Variants in POLDIP2 observed in about 807,000 individuals in gnomAD.
The protein encoded by POLDIP2 is DNA polymerase delta interacting protein 2.
In POLDIP2, 32 loss-of-function variants were observed where a neutral mutation model predicts 52.9. That is an observed-to-expected ratio of 0.61 (90% confidence interval 0.46 to 0.81). The LOEUF is 0.81. Among genes scored for constraint, POLDIP2 ranks in the 40% least tolerant of loss-of-function variants. The pLI is 0.00. For missense variants in POLDIP2, 371 were observed against 477.3 expected (o/e 0.78, Z 2.07); for synonymous variants, 183 against 183.0 (o/e 1.00, Z 0.00).
At position 28,357,442 on chromosome 17, in the gene POLDIP2, C is replaced by T. The variant is rs532900593; in HGVS notation, c.7G>A (p.Ala3Thr). 5 of 1,449,548 alleles carry T rather than the reference C, an allele frequency of 3.4e-6. No homozygotes were observed. The highest frequency in any genetic ancestry group is 3.0e-5 in the African/African-American group (2 of 66,780). 89.8% of individuals were successfully genotyped at this position (1,449,548 alleles called of 1,614,324 possible). ...GCCAGGGCCCGCCGGGCTGTACAGGCTGCCATGTCCCGCCCGAGCGCCCGC... is the reference window on the plus strand; with the variant it reads ...GCCAGGGCCCGCCGGGCTGTACAGGTTGCCATGTCCCGCCCGAGCGCCCGC... MAACTARRALAVG... is the reference protein window; with the variant it reads MATCTARRALAVG... The change falls in exon 1 of 11, where the codon GCC (alanine) becomes ACC (threonine). Residue 3 changes from alanine (A) to threonine (T), a missense_variant. Transcript: ENST00000540200.
chr17:28,353,474 A>G (rs150971025), intron 4 of POLDIP2, among the ~76,000 whole-genome samples, 158 bp from the exon 5 acceptor site: 3,069 of 142,364 alleles, frequency 0.022, 96 homozygotes, highest in African/African-American at 0.076. Context: ...GTGAGCTGAG[A>G]TCTCACCACT....
chr17:28,355,311 A>C (rs782780803), intron 2 of POLDIP2, among the ~76,000 whole-genome samples: 12 of 152,234 alleles, frequency 7.9e-5, no homozygotes, highest in Non-Finnish European at 1.5e-4. Context: ...CCCTATCTAT[A>C]AAAATTTGAT....
intron 10 of POLDIP2, among the ~76,000 whole-genome samples, chr17:28,348,667 G>A (rs1330914384): frequency 6.6e-6 from 1 of 152,190 alleles, no homozygotes; most frequent in Non-Finnish European, 1.5e-5. Context: ...AGCCAAGATT[G>A]TGCCATTGCA....
intron 2 of POLDIP2, among the ~76,000 whole-genome samples, chr17:28,355,346 G>A (rs1289934428): frequency 6.6e-6 from 1 of 152,232 alleles, no homozygotes; most frequent in African/African-American, 2.4e-5. Flanking sequence ...GGTGGCTCAC[G>A]CCAGTAATCC....
Position 28,353,300 on chromosome 17 carries a change from G to T in POLDIP2, c.455C>A (p.Thr152Lys). Residue 152 changes from threonine (T) to lysine (K), a missense_variant, in exon 5 of 11, where the codon ACA (threonine) becomes AAA (lysine). Transcript: ENST00000540200. Reference protein sequence around the residue: ...DCPHISQRSQTEAVTFLANHD... With the variant: ...DCPHISQRSQKEAVTFLANHD... Reference sequence around the variant, plus strand: ...GTTAGCCAAGAAGGTCACAGCTTCTGTCTGAGATCTCTGAGACTAAGGCAA... The same window carrying T: ...GTTAGCCAAGAAGGTCACAGCTTCTTTCTGAGATCTCTGAGACTAAGGCAA... The T allele has an allele frequency of 6.3e-7, 1 of 1,585,226 alleles. No individual in the cohort carries two copies. The highest frequency in any genetic ancestry group is 8.6e-7 in the Non-Finnish European group (1 of 1,156,282).
rs1555579456 is a variant in POLDIP2, at chr17:28,349,142, C to T, written c.933G>A (p.Glu311=). ...GGCTGCTATACTGGAACGCAGGCTG[C>T]TCCTTGGATAACACTGGTTCCTGTA... The part of the protein sequence containing the change: ...VVGREPVLSK[E]QPAFQYSSHV... Residue 311 remains glutamate, a synonymous_variant, in exon 10 of 11, where the codon GAG becomes GAA. Coordinates refer to ENST00000540200, the MANE Select transcript of POLDIP2 (RefSeq NM_015584.5). 8 of 1,613,272 alleles carry T rather than the reference C, an allele frequency of 5.0e-6. No homozygotes were observed. In the East Asian group the frequency reaches 6.7e-5, roughly 13 times the overall value.
rs140360603 is a variant in POLDIP2, at chr17:28,350,408, G to T, written c.912+30C>A. On this transcript the variant is annotated intron_variant, in intron 9 of 10. Transcript: ENST00000540200. The stretch of plus-strand genomic sequence containing the variant: ...CTAAGCCCCCAGGCTTGCCACACAG[G>T]ACCAGAATTACTAGACCAAGGATGC... The T allele has an allele frequency of 8.8e-6, 14 of 1,587,272 alleles. No homozygotes were observed. In the South Asian group the frequency reaches 1.6e-4, roughly 18 times the overall value.
intron 6 of POLDIP2, among the ~76,000 whole-genome samples, chr17:28,352,537 CTT>C (rs3032928): frequency 7.7e-6 from 1 of 129,204 alleles, no homozygotes; most frequent in Non-Finnish European, 1.6e-5. Context: ...GCACCCGGGC[CTT>C]TTTTTTTTTT....
chr17:28,355,531 C>T (rs1555580738), intron 2 of POLDIP2, among the ~76,000 whole-genome samples: 1 of 152,124 alleles, frequency 6.6e-6, no homozygotes, highest in African/African-American at 2.4e-5. Flanking sequence ...TGCTTAAACC[C>T]AGGAGGTGGA....
In POLDIP2 at chr17:28,349,146, T is replaced by C. The variant is rs782243839; in HGVS notation, c.929A>G (p.Lys310Arg). The C allele has an allele frequency of 6.2e-7, 1 of 1,612,998 alleles. No homozygotes were observed. Among genetic ancestry groups the C allele is most frequent in the Non-Finnish European group, 8.5e-7 (1 of 1,179,502 alleles). Reference sequence around the variant, plus strand: ...GCTATACTGGAACGCAGGCTGCTCCTTGGATAACACTGGTTCCTGTAAAGG... The same window carrying C: ...GCTATACTGGAACGCAGGCTGCTCCCTGGATAACACTGGTTCCTGTAAAGG... ...GVVGREPVLS[K>R]EQPAFQYSSH... The change falls in exon 10 of 11, where the codon AAG becomes AGG. Residue 310 changes from lysine to arginine, a missense_variant. Transcript: ENST00000540200.
chr17:28,350,296 T>G (rs1555579704), intron 9 of POLDIP2, 142 bp downstream of exon 9: 1 of 657,352 alleles, frequency 1.5e-6, no homozygotes, highest in East Asian at 2.9e-5. Flanking sequence ...CTCATGTAGT[T>G]GTTTTAAGAT....
chr17:28,352,590 T>C (rs924620254), intron 6 of POLDIP2, among the ~76,000 whole-genome samples: 10 of 140,660 alleles, frequency 7.1e-5, no homozygotes, highest in African/African-American at 2.4e-4. Context: ...CAGGCTGGAA[T>C]GCAATGGTGC....
chr17:28,353,251 A>T lies in POLDIP2; in HGVS notation c.504T>A (p.Tyr168Ter). ...LANHDDSRAL[Y>*]AIPGLDYVSH... ...ATGCTAACTACTCACCTGGGATGGCATAGAGGGCCCGACTGTCATCATGGT... is the reference window on the plus strand; with the variant it reads ...ATGCTAACTACTCACCTGGGATGGCTTAGAGGGCCCGACTGTCATCATGGT... The change falls in exon 5 of 11, where the codon TAT becomes TAA. Residue 168 changes from tyrosine (Y) to a stop codon, truncating the protein, a stop_gained. Transcript: ENST00000540200. LOFTEE classifies it high-confidence loss of function. The T allele has an allele frequency of 6.4e-7, 1 of 1,561,464 alleles. No homozygotes were observed. The highest frequency in any genetic ancestry group is 8.8e-7 in the Non-Finnish European group (1 of 1,134,164).
At position 28,355,266 on chromosome 17, in the gene POLDIP2, C is replaced by A. The variant is rs182614907; in HGVS notation, c.243+529G>T. Among the ~76,000 whole-genome samples, 268 of 152,356 alleles carry A rather than the reference C, an allele frequency of 1.8e-3. 1 individual carries two copies. The highest frequency in any genetic ancestry group is 6.2e-3 in the African/African-American group (256 of 41,586). On this transcript the variant is annotated intron_variant, in intron 2 of 10. Transcript: ENST00000540200. ...TTAACTTGGAAAGAGAACCCACTGA[C>A]ACATTAAGTGCATTCAAATCCAGGA...
At position 28,347,191 on chromosome 17, in the gene POLDIP2, A is replaced by C. The variant is rs192011699; in HGVS notation, c.*926T>G. On this transcript the variant is annotated 3_prime_UTR_variant, in exon 11 of 11. Transcript: ENST00000540200. ...AAGGACAAGAATAACAAGGGCTGGA[A>C]CTGTGATTTAATATTAATTCAAGAA... 1.2e-4 allele frequency: 19 copies of C among 152,346 alleles called. No homozygotes were observed. The highest frequency in any genetic ancestry group is 4.3e-4 in the African/African-American group (18 of 41,572). 9.4% of individuals were successfully genotyped at this position (152,346 alleles called of 1,614,324 possible). A position where few individuals can be genotyped will look rare whatever the true frequency, so the allele number is the denominator to read the frequency against.
At chr17:28,357,259 TC>T in intron 1 of POLDIP2, 28 bp downstream of exon 1, 1 of 1,376,896 alleles carries the variant, frequency 7.3e-7, no homozygotes, top group Admixed American at 2.5e-5. Flanking sequence ...CAGGCCCAGT[TC>T]CTCGCGCCCC....
At position 28,352,967 on chromosome 17, in the gene POLDIP2, C is replaced by T; in HGVS notation, c.567G>A (p.Gln189=). Residue 189 remains glutamine (Q), a synonymous_variant, in exon 6 of 11, where the codon CAG becomes CAA. Transcript: ENST00000540200. ...EDILPYTSTD[Q]VPIQHELFER... ...CAAAGAGTTCATGTTGGATGGGAAC[C>T]TGATCAGTGGAGGTGTAGGGGAGGA... The T allele has an allele frequency of 6.5e-7, 1 of 1,527,934 alleles. No individual in the cohort carries two copies. The highest frequency in any genetic ancestry group is 9.1e-7 in the Non-Finnish European group (1 of 1,101,260). The allele number at this position is 1,527,934 out of a possible 1,614,324, so 94.6% of individuals were successfully genotyped here.
At chr17:28,348,292 A>G (rs527939714) in intron 10 of POLDIP2, 61 bp from the exon 11 acceptor site, 2 of 1,084,650 alleles carry the variant, frequency 1.8e-6, no homozygotes, top group South Asian at 2.5e-5. Flanking sequence ...AAGGATCTGG[A>G]TGGCCCCATG....
In POLDIP2 at chr17:28,348,258, A is replaced by G. The variant is rs187438435; in HGVS notation, c.993-27T>C. 4.6e-6 allele frequency: 7 copies of G among 1,535,798 alleles called. No individual in the cohort carries two copies. The Admixed American group carries it at 1.0e-4, about 22-fold the overall frequency. On this transcript the variant is annotated intron_variant, in intron 10 of 10. Coordinates refer to ENST00000540200, the MANE Select transcript of POLDIP2 (RefSeq NM_015584.5). ...TACAGTCAGAAAGAAGCTGGTTTAGAAGGAGCCAGGGCTGAGGCCTCCTAA... is the reference window on the plus strand; with the variant it reads ...TACAGTCAGAAAGAAGCTGGTTTAGGAGGAGCCAGGGCTGAGGCCTCCTAA...
Sources: gnomAD v4.1 joint callset for allele counts (sites outside exome capture counted in the v4.1 genomes callset) on GRCh38, gnomAD v4.1.1 for gene constraint, MANE v1.5 for transcripts, NCBI Gene and HGNC (gene_info 2026-07-23, HGNC 2026-07-21) for gene names.